The following EDIL3 variants were observed in gnomAD, a reference collection of about 807,000 sequenced individuals.
The protein encoded by EDIL3 is EGF like and discoidin domains 3.
Under a neutral mutation model 67.4 loss-of-function variants are expected in EDIL3, and 37 were observed. The ratio of observed to expected loss-of-function variants is 0.55; its 90% CI spans 0.42 to 0.72. The LOEUF (loss-of-function observed/expected upper bound fraction) is 0.72, where lower values mean the gene tolerates loss of function less well. Ranked by LOEUF, EDIL3 falls within the 30% of genes least tolerant of loss-of-function variation. The probability of loss-of-function intolerance (pLI) is 0.00; values close to 1 mark genes in which losing one functional copy is unlikely to be tolerated. For missense variants in EDIL3, 527 were observed against 586.3 expected (o/e 0.90, Z 1.04); for synonymous variants, 195 against 196.3 (o/e 0.99, Z 0.05).
At chr5:84,103,521 A>T (rs1192900061) in intron 6 of EDIL3, among the ~76,000 whole-genome samples, 2 of 151,752 alleles carry the variant, frequency 1.3e-5, no homozygotes, top group South Asian at 2.1e-4. Flanking sequence ...ATTTTCAAGA[A>T]AAAAAACAAA....
chr5:84,357,435 C>A (rs1747509572), intron 1 of EDIL3, among the ~76,000 whole-genome samples: 1 of 152,144 alleles, frequency 6.6e-6, no homozygotes, highest in Non-Finnish European at 1.5e-5. Context: ...CACATCAAAG[C>A]AGATGGCCCA....
At chr5:84,244,379 C>T (rs1235294104) in intron 2 of EDIL3, among the ~76,000 whole-genome samples, 2 of 151,946 alleles carry the variant, frequency 1.3e-5, no homozygotes, top group Non-Finnish European at 2.9e-5. Context: ...CTCCCAGGTT[C>T]AAGCAATTCT....
chr5:84,100,374 C>T (rs919553477), intron 6 of EDIL3, among the ~76,000 whole-genome samples: 1 of 152,098 alleles, frequency 6.6e-6, no homozygotes, highest in Admixed American at 6.6e-5. Flanking sequence ...CACGTATACA[C>T]CATGGAATAC....
chr5:84,005,283 T>C (rs1745392225), intron 9 of EDIL3, among the ~76,000 whole-genome samples: 2 of 152,126 alleles, frequency 1.3e-5, no homozygotes, highest in South Asian at 2.1e-4. Flanking sequence ...CCACTGATAT[T>C]ATTCCAAAAA....
chr5:84,338,464 A>G (rs1747032816), intron 1 of EDIL3, among the ~76,000 whole-genome samples: 1 of 152,140 alleles, frequency 6.6e-6, no homozygotes, highest in Non-Finnish European at 1.5e-5. Flanking sequence ...GCAGAAAGAG[A>G]AGCTGCCTCC....
At chr5:83,949,341 T>G (rs1279482446) in intron 10 of EDIL3, among the ~76,000 whole-genome samples, 1 of 151,738 alleles carries the variant, frequency 6.6e-6, no homozygotes, top group Admixed American at 6.6e-5. Context: ...GAAAAAAAAT[T>G]CAACCAAAAT....
chr5:84,277,061 C>T (rs1440301504), intron 1 of EDIL3, among the ~76,000 whole-genome samples: 1 of 152,098 alleles, frequency 6.6e-6, no homozygotes, highest in Non-Finnish European at 1.5e-5. Flanking sequence ...CTATAAAATG[C>T]TACTTATTAC....
chr5:84,258,682 G>A (rs887409598), intron 1 of EDIL3, among the ~76,000 whole-genome samples: 3 of 152,034 alleles, frequency 2.0e-5, no homozygotes, highest in African/African-American at 7.2e-5. Context: ...TGAGTTATAC[G>A]GTTACTTAGG....
intron 1 of EDIL3, among the ~76,000 whole-genome samples, chr5:84,273,601 C>T (rs1043571106): frequency 6.6e-6 from 1 of 152,194 alleles, no homozygotes; most frequent in Admixed American, 6.5e-5. Context: ...CCCATGAAAT[C>T]TACTTGAATA....
intron 3 of EDIL3, among the ~76,000 whole-genome samples, chr5:84,182,554 T>C (rs1402938901): frequency 6.6e-6 from 1 of 151,908 alleles, no homozygotes; most frequent in Admixed American, 6.6e-5. Flanking sequence ...ACCTCAACCA[T>C]GGGTGGGAAG....
Position 84,064,736 on chromosome 5 carries a change from T to G in EDIL3, c.916A>C (p.Thr306Pro), listed in dbSNP as rs767028514. Residue 306 changes from threonine to proline, a missense_variant, in exon 8 of 11, where the codon ACT becomes CCT. Thr to Pro is a conservative substitution (Grantham distance 38, BLOSUM62 -1). Transcript: ENST00000296591. The part of the protein sequence containing the change: ...LYPQVCRRHC[T>P]LRMELLGCEL... ...CAGCCAAGAAGTTCCATTCGCAAAG[T>G]GCAATGTCTTCGACAAACTTGGGGA... 3 of 1,613,722 alleles carry G rather than the reference T, an allele frequency of 1.9e-6. No individual in the cohort carries two copies. The highest frequency in any genetic ancestry group is 2.5e-6 in the Non-Finnish European group (3 of 1,179,740).
intron 3 of EDIL3, among the ~76,000 whole-genome samples, chr5:84,197,733 A>G (rs1292628650): frequency 6.6e-6 from 1 of 152,006 alleles, no homozygotes; most frequent in African/African-American, 2.4e-5. Context: ...ATGCAATATA[A>G]TTGCATCATG....
intron 1 of EDIL3, among the ~76,000 whole-genome samples, chr5:84,265,217 C>T (rs887601716): frequency 1.4e-4 from 21 of 152,164 alleles, no homozygotes; most frequent in Admixed American, 1.2e-3. Context: ...AGTAGAATGT[C>T]TTAGTTTCAA....
intron 4 of EDIL3, among the ~76,000 whole-genome samples, chr5:84,151,286 C>A (rs1330230254): frequency 6.6e-6 from 1 of 151,830 alleles, no homozygotes; most frequent in Non-Finnish European, 1.5e-5. Context: ...CACACACACA[C>A]ACACACACAC....
At chr5:84,230,106 C>T (rs1744539766) in intron 2 of EDIL3, among the ~76,000 whole-genome samples, 1 of 152,054 alleles carries the variant, frequency 6.6e-6, no homozygotes, top group Non-Finnish European at 1.5e-5. Context: ...TAAATAAAAA[C>T]ATATGTGCTC....
chr5:84,153,307 A>T (rs61604955), intron 4 of EDIL3, among the ~76,000 whole-genome samples: 2,572 of 151,700 alleles, frequency 0.017, 75 homozygotes, highest in African/African-American at 0.058. Flanking sequence ...TATTATTATT[A>T]TTTTTTTGAG....
chr5:84,006,103 T>TAATAATAATAAC (rs550067507), intron 9 of EDIL3, among the ~76,000 whole-genome samples: 3,419 of 149,130 alleles, frequency 0.023, 81 homozygotes, highest in South Asian at 0.13. Context: ...ATAATAATAA[T>TAATAATAATAAC]AATAATAGTA....
At chr5:84,178,266 TGA>T (rs1748954537) in intron 4 of EDIL3, among the ~76,000 whole-genome samples, 1 of 152,206 alleles carries the variant, frequency 6.6e-6, no homozygotes, top group Non-Finnish European at 1.5e-5. Context: ...TGATTTCAGG[TGA>T]TGCCTGTTTA....
chr5:84,339,286 G>A (rs2112175005), intron 1 of EDIL3, among the ~76,000 whole-genome samples: 1 of 152,256 alleles, frequency 6.6e-6, no homozygotes. Flanking sequence ...GCAGTAGTAA[G>A]GGTTGGATGC....
Sources: allele counts gnomAD v4.1 joint callset (sites outside exome capture counted in the v4.1 genomes callset), GRCh38; gene constraint gnomAD v4.1.1; transcripts MANE v1.5; gene names NCBI Gene and HGNC (gene_info 2026-07-23, HGNC 2026-07-21).